The following SYN2 variants were observed in gnomAD, a reference collection of about 807,000 sequenced individuals.
The protein encoded by SYN2 is synapsin-2.
In SYN2, 19 loss-of-function variants were observed where a neutral mutation model predicts 50.9. The ratio of observed to expected loss-of-function variants is 0.37; its 90% CI spans 0.26 to 0.55. The LOEUF (loss-of-function observed/expected upper bound fraction) is 0.55. SYN2 is among the 20% of genes least tolerant of loss of function. The pLI is 0.81. For missense variants in SYN2, 587 were observed against 576.4 expected, an observed-to-expected ratio of 1.02 and a Z score of -0.19; for synonymous variants, 255 against 224.9, an observed-to-expected ratio of 1.13 and a Z score of -1.20.
rs943612830 is a variant in SYN2, at chr3:12,183,320, A to G, written c.1317A>G (p.Thr439=). Residue 439 remains threonine (T), a synonymous_variant, in exon 11 of 13, where the codon ACA becomes ACG. Coordinates refer to ENST00000621198, the MANE Select transcript of SYN2 (RefSeq NM_133625.6). The part of the protein sequence containing the change: ...PLTTQQPQSG[T]LKDPDSSKTP... ...ACATTTTTGTCTTCCAGAGCGGAAC[A>G]CTTAAGGATCCGGACTCAAGCAAGA... The G allele has an allele frequency of 1.2e-6, 2 of 1,611,628 alleles. No homozygotes were observed. Among genetic ancestry groups the G allele is most frequent in the African/African-American group, 1.3e-5 (1 of 74,690 alleles).
intron 1 of SYN2, among the ~76,000 whole-genome samples, chr3:12,057,198 A>G (rs911810002): frequency 6.6e-6 from 1 of 152,014 alleles, no homozygotes; most frequent in East Asian, 1.9e-4. Context: ...AGGCTGAGGC[A>G]GGAGAATTGC....
At chr3:12,180,967 G>C (rs557522412) in intron 10 of SYN2, among the ~76,000 whole-genome samples, 35 of 152,280 alleles carry the variant, frequency 2.3e-4, no homozygotes, top group African/African-American at 7.9e-4. Flanking sequence ...GGATTGGAAG[G>C]AACCTTAGCA....
intron 1 of SYN2, among the ~76,000 whole-genome samples, chr3:12,097,286 AT>A (rs1695954456): frequency 6.6e-6 from 1 of 152,214 alleles, no homozygotes. Flanking sequence ...CCAAATGTCC[AT>A]CAATGATAGA....
chr3:12,016,533 A>T (rs1361826271), intron 1 of SYN2, among the ~76,000 whole-genome samples: 1 of 152,230 alleles, frequency 6.6e-6, no homozygotes, highest in East Asian at 1.9e-4. Flanking sequence ...AGGCAGTTTA[A>T]CTGTTCAAGT....
chr3:12,043,716 C>T (rs1004108557), intron 1 of SYN2, among the ~76,000 whole-genome samples: 5 of 152,028 alleles, frequency 3.3e-5, no homozygotes, highest in East Asian at 3.9e-4. Flanking sequence ...AGAAATGCAC[C>T]GTGGATTAGT....
chr3:12,019,247 A>G (rs1016304126), intron 1 of SYN2, among the ~76,000 whole-genome samples: 34 of 152,332 alleles, frequency 2.2e-4, no homozygotes, highest in African/African-American at 7.9e-4. Context: ...TGAAATCAGC[A>G]GGTTCTTGGG....
chr3:12,115,709 A>G (rs2125198101), intron 1 of SYN2, among the ~76,000 whole-genome samples: 1 of 152,268 alleles, frequency 6.6e-6, no homozygotes, highest in East Asian at 1.9e-4. Context: ...TTGCCTCCCT[A>G]AATTTACATT....
intron 1 of SYN2, among the ~76,000 whole-genome samples, chr3:12,080,190 T>C (rs999117162): frequency 6.6e-6 from 1 of 152,172 alleles, no homozygotes; most frequent in Non-Finnish European, 1.5e-5. Flanking sequence ...TTCTTCTCTC[T>C]TTTCTTCTTT....
intron 1 of SYN2, among the ~76,000 whole-genome samples, chr3:12,045,139 G>C (rs1472169856): frequency 2.0e-5 from 3 of 152,084 alleles, no homozygotes; most frequent in Non-Finnish European, 2.9e-5. Context: ...TCATTCTACT[G>C]TACCACCACC....
At chr3:12,048,211 A>G (rs921871848) in intron 1 of SYN2, among the ~76,000 whole-genome samples, 12 of 152,264 alleles carry the variant, frequency 7.9e-5, no homozygotes, top group African/African-American at 2.4e-4. Flanking sequence ...GTCTTGCTCT[A>G]TCACCCAGGC....
chr3:12,070,564 T>G, intron 1 of SYN2: 2 of 1,216,900 alleles, frequency 1.6e-6, no homozygotes, highest in Non-Finnish European at 2.3e-6. Context: ...GAGGCCCTTG[T>G]GAACCCCAAG....
intron 1 of SYN2, among the ~76,000 whole-genome samples, chr3:12,015,926 T>C (rs1694021168): frequency 6.6e-6 from 1 of 152,246 alleles, no homozygotes; most frequent in Non-Finnish European, 1.5e-5. Flanking sequence ...TCTCTTTCTC[T>C]GTTCAGGGGG....
At chr3:12,167,351 G>T in intron 8 of SYN2, 43 bp downstream of exon 8, 1 of 1,573,556 alleles carries the variant, frequency 6.4e-7, no homozygotes, top group Non-Finnish European at 8.7e-7. Flanking sequence ...CAGTGAGAGG[G>T]AGGCTTCCTT....
chr3:12,023,126 GC>G (rs1694181033), intron 1 of SYN2, among the ~76,000 whole-genome samples: 1 of 152,032 alleles, frequency 6.6e-6, no homozygotes, highest in Non-Finnish European at 1.5e-5. Context: ...GGATGAGAAT[GC>G]CTATTTTCCA....
intron 1 of SYN2, among the ~76,000 whole-genome samples, chr3:12,119,562 A>G (rs1346665861): frequency 6.6e-6 from 1 of 152,132 alleles, no homozygotes; most frequent in Non-Finnish European, 1.5e-5. Context: ...CTCTAATAAC[A>G]GTTTTTGCAT....
chr3:12,067,497 C>T (rs1396273258), intron 1 of SYN2, among the ~76,000 whole-genome samples: 2 of 151,918 alleles, frequency 1.3e-5, no homozygotes, highest in Non-Finnish European at 2.9e-5. Flanking sequence ...AAATAAGAGA[C>T]TGTTAGAATG....
At chr3:12,128,706 A>G (rs1696725294) in intron 1 of SYN2, among the ~76,000 whole-genome samples, 1 of 152,214 alleles carries the variant, frequency 6.6e-6, no homozygotes, top group South Asian at 2.1e-4. Flanking sequence ...ATATTTATAA[A>G]TGCCTGACCA....
intron 1 of SYN2, among the ~76,000 whole-genome samples, chr3:12,130,388 G>C (rs1372806925): frequency 6.6e-6 from 1 of 152,148 alleles, no homozygotes; most frequent in Non-Finnish European, 1.5e-5. Flanking sequence ...AGAACTGGGA[G>C]AGCCAATGGT....
In SYN2 at chr3:12,151,224, T is replaced by G. The variant is rs759628091; in HGVS notation, c.685-13T>G. The G allele has an allele frequency of 6.2e-7, 1 of 1,603,300 alleles. No individual in the cohort carries two copies. The highest frequency in any genetic ancestry group is 8.5e-7 in the Non-Finnish European group (1 of 1,173,290). The stretch of plus-strand genomic sequence containing the variant: ...ATCTAAGATAAGCTGTAACATTTGC[T>G]TTTCTTTTGCAGTTTGCCCAGCTGG... On this transcript the variant is annotated splice_polypyrimidine_tract_variant and intron_variant, in intron 4 of 12. Transcript: ENST00000621198.
Sources: allele counts gnomAD v4.1 joint callset (sites outside exome capture counted in the v4.1 genomes callset), GRCh38; gene constraint gnomAD v4.1.1; transcripts MANE v1.5; gene names NCBI Gene and HGNC (gene_info 2026-07-23, HGNC 2026-07-21).